NCAM2: variants seen among roughly 807,000 people sequenced by gnomAD.
NCAM2 encodes the protein N-CAM-2.
Under a neutral mutation model 98.1 loss-of-function variants are expected in NCAM2, and 30 were observed. The observed-to-expected ratio is 0.31, with a 90% CI of 0.23 to 0.41. NCAM2 has a LOEUF of 0.41. Among genes scored for constraint, NCAM2 ranks in the 10% least tolerant of loss-of-function variants. The probability of loss-of-function intolerance (pLI) is 1.00; values close to 1 mark genes in which losing one functional copy is unlikely to be tolerated. For synonymous variants in NCAM2, 368 were observed against 342.4 expected, an observed-to-expected ratio of 1.07 and a Z score of -0.83; for missense variants, 867 against 1,005.8, an observed-to-expected ratio of 0.86 and a Z score of 1.87.
Position 21,535,191 on chromosome 21 carries a change from A to G in NCAM2, c.2402+535A>G, listed in dbSNP as rs138326840. Among the ~76,000 whole-genome samples, 918 of 152,190 alleles carry G rather than the reference A, an allele frequency of 6.0e-3. 10 individuals carry two copies. The highest frequency in any genetic ancestry group is 0.021 in the African/African-American group (886 of 41,558). Reference sequence around the variant, plus strand: ...TGATGTTATTTATTTTGCATCTCTAATAGCTCTGTTAAAACTATAGTAGAT... The same window carrying G: ...TGATGTTATTTATTTTGCATCTCTAGTAGCTCTGTTAAAACTATAGTAGAT... On this transcript the variant is annotated intron_variant, in intron 17 of 17. Transcript: ENST00000400546.
At chr21:21,081,302 G>C (rs1034802706) in intron 1 of NCAM2, among the ~76,000 whole-genome samples, 4 of 152,130 alleles carry the variant, frequency 2.6e-5, no homozygotes, top group African/African-American at 9.7e-5. Context: ...AAGCTACTGA[G>C]TTTCAGGTGT....
chr21:21,507,272 T>A (rs1988040450), intron 15 of NCAM2, among the ~76,000 whole-genome samples: 1 of 152,136 alleles, frequency 6.6e-6, no homozygotes, highest in African/African-American at 2.4e-5. Flanking sequence ...TCACTATTTC[T>A]TCAAGTCATT....
intron 1 of NCAM2, among the ~76,000 whole-genome samples, chr21:21,265,518 C>CAT (rs2072231774): frequency 2.9e-5 from 2 of 68,928 alleles, no homozygotes; most frequent in Non-Finnish European, 7.0e-5. Context: ...TATATATACA[C>CAT]ATACACACAT....
At chr21:21,473,936 C>T (rs968007720) in intron 14 of NCAM2, among the ~76,000 whole-genome samples, 5 of 149,870 alleles carry the variant, frequency 3.3e-5, no homozygotes, top group Admixed American at 6.6e-5. Flanking sequence ...TTAAGAGAAG[C>T]GATACCAAAG....
rs532474411 is a variant in NCAM2, at chr21:21,540,158, TAATA to T, written c.*2207_*2210del. 18 of 152,160 alleles carry T rather than the reference TAATA, an allele frequency of 1.2e-4. No individual in the cohort carries two copies. In the East Asian group the frequency reaches 2.9e-3, roughly 24 times the overall value. 9.4% of individuals were successfully genotyped at this position (152,160 alleles called of 1,614,324 possible). A position where few individuals can be genotyped will look rare whatever the true frequency, so the allele number is the denominator to read the frequency against. On this transcript the variant is annotated 3_prime_UTR_variant, in exon 18 of 18. Coordinates refer to ENST00000400546, the MANE Select transcript of NCAM2 (RefSeq NM_004540.5). Reference sequence around the variant, plus strand: ...CTTTACTTCAAGAGTGCAGAAATCATAATAAATAACAAACTATTTTTGTGTTTTC... The same window carrying T: ...CTTTACTTCAAGAGTGCAGAAATCATAATAACAAACTATTTTTGTGTTTTC...
intron 14 of NCAM2, among the ~76,000 whole-genome samples, chr21:21,469,740 T>G (rs1984186718): frequency 6.6e-6 from 1 of 151,960 alleles, no homozygotes; most frequent in African/African-American, 2.4e-5. Context: ...AAAGAAAAAT[T>G]TGATTTTGAA....
At chr21:21,057,562 A>G (rs2065237253) in intron 1 of NCAM2, among the ~76,000 whole-genome samples, 1 of 152,054 alleles carries the variant, frequency 6.6e-6, no homozygotes, top group Admixed American at 6.6e-5. Flanking sequence ...GTCCTCATGC[A>G]CCCGACAAAT....
chr21:21,468,782 G>A lies in NCAM2; in HGVS notation c.1895G>A (p.Ser632Asn). Residue 632 changes from serine to asparagine, a missense_variant and splice_region_variant, in exon 14 of 18, where the codon AGT becomes AAT. Transcript: ENST00000400546. ...PILEYIVKYR[S>N]KDKEDQWLEK... ...TTGGAATACATTGTGAAATATAGAA[G>A]TGTAAGTACCTTGTTTATTGTCATA... is the stretch of plus-strand genomic sequence containing the variant. 2 of 1,609,476 alleles carry A rather than the reference G, an allele frequency of 1.2e-6. No homozygotes were observed. Among genetic ancestry groups the A allele is most frequent in the Non-Finnish European group, 1.7e-6 (2 of 1,177,316 alleles).
chr21:21,234,863 T>C (rs2070757383), intron 1 of NCAM2, among the ~76,000 whole-genome samples: 1 of 152,068 alleles, frequency 6.6e-6, no homozygotes, highest in Admixed American at 6.6e-5. Context: ...AATAAATTGT[T>C]CAGTAGATTC....
chr21:21,249,597 A>T (rs1157368501), intron 1 of NCAM2, among the ~76,000 whole-genome samples: 8 of 152,214 alleles, frequency 5.3e-5, no homozygotes, highest in Non-Finnish European at 1.2e-4. Context: ...TTGTGCTAAG[A>T]TAATGACCTG....
At chr21:21,170,238 C>A (rs964877155) in intron 1 of NCAM2, among the ~76,000 whole-genome samples, 4 of 152,168 alleles carry the variant, frequency 2.6e-5, no homozygotes, top group Non-Finnish European at 5.9e-5. Flanking sequence ...TATGATCCAG[C>A]AGTTTTACTC....
intron 1 of NCAM2, among the ~76,000 whole-genome samples, chr21:21,180,190 C>A (rs1409589873): frequency 1.3e-5 from 2 of 152,072 alleles, no homozygotes; most frequent in Non-Finnish European, 2.9e-5. Context: ...CTCTTAAGAC[C>A]CAGACCTCAA....
chr21:21,187,458 AC>A (rs1451420279), intron 1 of NCAM2, among the ~76,000 whole-genome samples: 4 of 151,478 alleles, frequency 2.6e-5, no homozygotes, highest in Non-Finnish European at 4.4e-5. Context: ...AACAACAACA[AC>A]AACAAAAAAG....
intron 5 of NCAM2, among the ~76,000 whole-genome samples, chr21:21,322,071 G>C (rs997986599): frequency 2.6e-5 from 4 of 152,114 alleles, no homozygotes; most frequent in Admixed American, 2.0e-4. Flanking sequence ...ACCCATCAAC[G>C]GTGGACTGGA....
At position 21,145,336 on chromosome 21, in the gene NCAM2, G is replaced by A. The variant is rs571021575; in HGVS notation, c.56-135242G>A. 5.3e-5 allele frequency among the ~76,000 whole-genome samples: 8 copies of A among 151,914 alleles called. No homozygotes were observed. The South Asian group carries it at 1.0e-3, about 20-fold the overall frequency. Reference sequence around the variant, plus strand: ...TTGATTATGCATAATGTCCTTCACCGTCTTGAGCATTACTTAGATGTTTTA... The same window carrying A: ...TTGATTATGCATAATGTCCTTCACCATCTTGAGCATTACTTAGATGTTTTA... On this transcript the variant is annotated intron_variant, in intron 1 of 17. Transcript: ENST00000400546.
At chr21:21,127,243 A>G (rs1216039481) in intron 1 of NCAM2, among the ~76,000 whole-genome samples, 6 of 151,946 alleles carry the variant, frequency 3.9e-5, no homozygotes, top group Admixed American at 2.6e-4. Context: ...GTATTTCTTG[A>G]TACATTACAT....
At chr21:21,063,108 A>T (rs1214533241) in intron 1 of NCAM2, among the ~76,000 whole-genome samples, 2 of 152,132 alleles carry the variant, frequency 1.3e-5, no homozygotes, top group Non-Finnish European at 1.5e-5. Context: ...AATGCTGGCA[A>T]AACCAGTTCT....
chr21:21,339,469 G>C (rs566814160), intron 8 of NCAM2, among the ~76,000 whole-genome samples: 1 of 151,958 alleles, frequency 6.6e-6, no homozygotes, highest in Admixed American at 6.6e-5. Context: ...GAAAGGAAAA[G>C]ATGGTGAAAT....
chr21:21,306,599 C>T (rs1056161724), intron 5 of NCAM2, among the ~76,000 whole-genome samples: 3 of 151,918 alleles, frequency 2.0e-5, no homozygotes, highest in African/African-American at 7.3e-5. Flanking sequence ...TTATGGGGTA[C>T]ATGAGATTTT....
Sources: gnomAD v4.1 joint callset for allele counts (sites outside exome capture counted in the v4.1 genomes callset) on GRCh38, gnomAD v4.1.1 for gene constraint, MANE v1.5 for transcripts, NCBI Gene and HGNC (gene_info 2026-07-23, HGNC 2026-07-21) for gene names.